CNBD1: variants seen among roughly 807,000 people sequenced by gnomAD.
CNBD1 encodes the protein cyclic nucleotide binding domain containing 1.
CNBD1 carries 71 observed loss-of-function variants against 54.4 expected under a neutral mutation model. The ratio of observed to expected loss-of-function variants is 1.30; its 90% CI spans 1.08 to 1.59. The LOEUF (loss-of-function observed/expected upper bound fraction) is 1.59, where lower values mean the gene tolerates loss of function less well. Among genes scored for constraint, CNBD1 ranks in the 40% most tolerant of loss-of-function variants. The pLI is 0.00. For missense variants in CNBD1, 659 were observed against 518.0 expected (o/e 1.27, Z -2.64); for synonymous variants, 182 against 170.7 (o/e 1.07, Z -0.51).
chr8:86,935,153 AGT>A (rs1174985016), intron 3 of CNBD1, among the ~76,000 whole-genome samples: 1 of 152,094 alleles, frequency 6.6e-6, no homozygotes. Context: ...CACCTGCCTC[AGT>A]GTCCCGAGTA....
chr8:87,413,614 C>G (rs961128933), intron 2 of CNBD1, among the ~76,000 whole-genome samples: 2 of 151,972 alleles, frequency 1.3e-5, no homozygotes, highest in African/African-American at 2.4e-5. Flanking sequence ...ACACTTAGAA[C>G]CTACTCATCT....
At chr8:86,879,563 T>C (rs1305984691) in intron 1 of CNBD1, among the ~76,000 whole-genome samples, 1 of 152,130 alleles carries the variant, frequency 6.6e-6, no homozygotes, top group Non-Finnish European at 1.5e-5. Flanking sequence ...ACCCAGAACA[T>C]GCGTTGTTGA....
intron 5 of CNBD1, among the ~76,000 whole-genome samples, chr8:87,207,809 A>C (rs940162916): frequency 6.6e-6 from 1 of 152,206 alleles, no homozygotes; most frequent in Non-Finnish European, 1.5e-5. Context: ...AGGTATTCCA[A>C]CTTGCATTTC....
At chr8:87,029,818 ATATT>A (rs1163552728) in intron 4 of CNBD1, among the ~76,000 whole-genome samples, 2 of 152,134 alleles carry the variant, frequency 1.3e-5, no homozygotes, top group African/African-American at 2.4e-5. Flanking sequence ...GTGATTGTCA[ATATT>A]TATAAGCTTC....
chr8:87,348,360 G>A (rs377051242), intron 8 of CNBD1, among the ~76,000 whole-genome samples: 11 of 152,208 alleles, frequency 7.2e-5, no homozygotes, highest in African/African-American at 2.6e-4. Flanking sequence ...CATTGGTATG[G>A]ACTGTTACAG....
intron 4 of CNBD1, chr8:87,044,496 G>A (rs1810140407): frequency 6.6e-6 from 1 of 152,124 alleles, no homozygotes; most frequent in Non-Finnish European, 1.5e-5. Context: ...ATAAGCAAAA[G>A]AAGACAGCTC....
downstream of CNBD1, among the ~76,000 whole-genome samples, chr8:87,385,006 G>A (rs1811154104): frequency 6.6e-6 from 1 of 152,124 alleles, no homozygotes; most frequent in Non-Finnish European, 1.5e-5. Flanking sequence ...GGCATGAGAT[G>A]ATGAGATGAT....
chr8:87,420,685 A>G (rs557961376), intron 2 of CNBD1, among the ~76,000 whole-genome samples: 1 of 152,086 alleles, frequency 6.6e-6, no homozygotes, highest in Admixed American at 6.6e-5. Flanking sequence ...AATATAATGT[A>G]ATAATAATGC....
intron 4 of CNBD1, among the ~76,000 whole-genome samples, chr8:86,959,503 G>C (rs1243838052): frequency 6.6e-6 from 1 of 151,982 alleles, no homozygotes; most frequent in Non-Finnish European, 1.5e-5. Flanking sequence ...ATGTAGATTT[G>C]GTCTTTTCAC....
chr8:87,013,062 G>A (rs980670539), intron 4 of CNBD1, among the ~76,000 whole-genome samples: 2 of 152,108 alleles, frequency 1.3e-5, no homozygotes, highest in African/African-American at 4.8e-5. Context: ...CCTAATGTGC[G>A]GCCTCAGAGA....
At chr8:86,993,063 T>G (rs1808789054) in intron 4 of CNBD1, among the ~76,000 whole-genome samples, 1 of 152,146 alleles carries the variant, frequency 6.6e-6, no homozygotes, top group East Asian at 1.9e-4. Context: ...AGTTGCTTAC[T>G]CTCTCTCCTT....
intron 4 of CNBD1, among the ~76,000 whole-genome samples, chr8:87,136,347 G>T (rs1187895984): frequency 1.3e-5 from 2 of 150,332 alleles, no homozygotes; most frequent in African/African-American, 4.9e-5. Flanking sequence ...ATGATTCCTT[G>T]AATAACACAT....
rs556355176 is a variant in CNBD1 at position 87,036,970 on chromosome 8, T to C, written c.431+97216T>C. On this transcript the variant is annotated intron_variant, in intron 4 of 10. Coordinates refer to ENST00000518476, the MANE Select transcript of CNBD1 (RefSeq NM_173538.3). ...GAAGACAAACCTTTTTGGCAAATGA[T>C]GTCTCTTCTTCTCGCTTCATTTACT... Among the ~76,000 whole-genome samples the C allele has an allele frequency of 7.2e-5, 11 of 152,342 alleles. No individual in the cohort carries two copies. The South Asian group carries it at 2.3e-3, about 32-fold the overall frequency.
intron 4 of CNBD1, among the ~76,000 whole-genome samples, chr8:87,061,849 A>G (rs1810554626): frequency 6.6e-6 from 1 of 152,212 alleles, no homozygotes; most frequent in South Asian, 2.1e-4. Flanking sequence ...TGATTCTCCT[A>G]ATAGCTTTCT....
chr8:87,203,108 A>G (rs1340644580), intron 4 of CNBD1, among the ~76,000 whole-genome samples: 7 of 152,168 alleles, frequency 4.6e-5, no homozygotes, highest in Admixed American at 2.6e-4. Context: ...AATTCTGTGC[A>G]TGAGTTTTTC....
At position 86,993,641 on chromosome 8, in the gene CNBD1, T is replaced by C. The variant is rs531106657; in HGVS notation, c.431+53887T>C. 3.9e-5 allele frequency among the ~76,000 whole-genome samples: 6 copies of C among 152,344 alleles called. No individual in the cohort carries two copies. In the South Asian group the frequency reaches 1.2e-3, roughly 32 times the overall value. On this transcript the variant is annotated intron_variant, in intron 4 of 10. Transcript: ENST00000518476. ...ACTCAATTGCTTCATTTCTGGATGC[T>C]TTCAGAGGGACAAGGCTCTGTATGG...
At chr8:87,319,365 T>C (rs1809470607) in intron 8 of CNBD1, among the ~76,000 whole-genome samples, 1 of 152,134 alleles carries the variant, frequency 6.6e-6, no homozygotes, top group South Asian at 2.1e-4. Flanking sequence ...TACATTGTTC[T>C]AAATGCCTTG....
At chr8:87,385,837 C>T (rs549807557), downstream of CNBD1, among the ~76,000 whole-genome samples, 13 of 152,242 alleles carry the variant, frequency 8.5e-5, no homozygotes, top group African/African-American at 2.9e-4. Context: ...GGTCCCTGAC[C>T]CCCGAGTAGC....
chr8:87,311,715 A>G (rs75313026), intron 8 of CNBD1, among the ~76,000 whole-genome samples: 2,974 of 152,246 alleles, frequency 0.02, 104 homozygotes, highest in African/African-American at 0.068. Flanking sequence ...TCAACAGTGT[A>G]TTAGATAAAG....
Sources: allele counts gnomAD v4.1 joint callset (sites outside exome capture counted in the v4.1 genomes callset), GRCh38; gene constraint gnomAD v4.1.1; transcripts MANE v1.5; gene names NCBI Gene and HGNC (gene_info 2026-07-23, HGNC 2026-07-21).